The following CUX1 variants were observed in gnomAD, a reference collection of about 807,000 sequenced individuals.
CUX1 encodes cut like homeobox 1.
A neutral mutation model predicts 158.8 loss-of-function variants in CUX1; 31 were observed. The observed-to-expected ratio is 0.20, with a 90% CI of 0.15 to 0.26. The LOEUF (loss-of-function observed/expected upper bound fraction) is 0.26. Ranked by LOEUF, CUX1 falls within the 10% of genes least tolerant of loss-of-function variation. CUX1 has a pLI of 1.00. For missense variants in CUX1, 1,589 were observed against 2,014.6 expected, an observed-to-expected ratio of 0.79 and a Z score of 4.04; for synonymous variants, 879 against 862.1, an observed-to-expected ratio of 1.02 and a Z score of -0.34.
At chr7:102,236,885 A>G (rs1799627335) in intron 22 of CUX1, among the ~76,000 whole-genome samples, 1 of 152,150 alleles carries the variant, frequency 6.6e-6, no homozygotes, top group Non-Finnish European at 1.5e-5. Flanking sequence ...TTGTGTTACA[A>G]ATGAATTACT....
chr7:102,099,621 T>A (rs1327336528), intron 5 of CUX1, among the ~76,000 whole-genome samples: 1 of 152,018 alleles, frequency 6.6e-6, no homozygotes, highest in African/African-American at 2.4e-5. Flanking sequence ...TGCAGTTGCA[T>A]GATCATAGCT....
chr7:101,997,956 CAG>C (rs1734427911), intron 2 of CUX1, among the ~76,000 whole-genome samples: 1 of 152,332 alleles, frequency 6.6e-6, no homozygotes, highest in African/African-American at 2.4e-5. Context: ...TCCTGAGTCT[CAG>C]GGGTTCCTGT....
At chr7:101,935,462 G>T (rs141607964) in intron 2 of CUX1, among the ~76,000 whole-genome samples, 2 of 152,296 alleles carry the variant, frequency 1.3e-5, no homozygotes, top group East Asian at 3.9e-4. Context: ...GAATGGACAA[G>T]GCCTGGCTCC....
At chr7:102,204,625 C>G (rs985342594) in intron 19 of CUX1, 69 bp downstream of exon 19, 1 of 1,570,196 alleles carries the variant, frequency 6.4e-7, no homozygotes, top group Non-Finnish European at 8.7e-7. Flanking sequence ...AGCAGCCCCA[C>G]CTGGGCTATG....
chr7:102,130,682 TA>T (rs1196602798), intron 8 of CUX1, among the ~76,000 whole-genome samples: 1 of 151,652 alleles, frequency 6.6e-6, no homozygotes, highest in Non-Finnish European at 1.5e-5. Flanking sequence ...CTCCATCTTA[TA>T]AAAAAAATTA....
chr7:102,007,384 C>T (rs1460975820), intron 2 of CUX1, among the ~76,000 whole-genome samples: 2 of 152,060 alleles, frequency 1.3e-5, no homozygotes, highest in African/African-American at 4.8e-5. Context: ...GTTCTCTTCC[C>T]CTCTCCTGTT....
At chr7:101,871,475 G>C (rs1798525211) in intron 1 of CUX1, among the ~76,000 whole-genome samples, 1 of 152,130 alleles carries the variant, frequency 6.6e-6, no homozygotes, top group African/African-American at 2.4e-5. Context: ...GGAGGTGCCT[G>C]CAGCACAGCG....
At chr7:101,984,111 T>TATATATATATATACAC (rs1813910321) in intron 2 of CUX1, among the ~76,000 whole-genome samples, 1 of 44,984 alleles carries the variant, frequency 2.2e-5, no homozygotes, top group African/African-American at 8.3e-5. Context: ...TATATATATA[T>TATATATATATATACAC]ATATATATAT....
chr7:102,053,388 C>A (rs756404475), intron 3 of CUX1, among the ~76,000 whole-genome samples: 1 of 152,104 alleles, frequency 6.6e-6, no homozygotes, highest in Non-Finnish European at 1.5e-5. Context: ...GTGTAATAAT[C>A]TCATATGGAA....
chr7:102,068,989 C>T (rs1250458796), intron 3 of CUX1, among the ~76,000 whole-genome samples: 3 of 152,182 alleles, frequency 2.0e-5, no homozygotes, highest in Non-Finnish European at 2.9e-5. Context: ...ATCCTGGCCA[C>T]CATCGCAAAA....
chr7:102,005,334 G>A (rs1359551872), intron 2 of CUX1, among the ~76,000 whole-genome samples: 1 of 152,084 alleles, frequency 6.6e-6, no homozygotes, highest in Non-Finnish European at 1.5e-5. Flanking sequence ...TTTTTGTTTT[G>A]TTTTGTTTTG....
intron 2 of CUX1, among the ~76,000 whole-genome samples, chr7:101,946,107 C>A (rs2129146588): frequency 6.6e-6 from 1 of 152,236 alleles, no homozygotes; most frequent in East Asian, 1.9e-4. Context: ...TGATGGCATT[C>A]TCTAGTGTGA....
chr7:101,873,687 G>A (rs751497742), intron 1 of CUX1, among the ~76,000 whole-genome samples: 7 of 152,110 alleles, frequency 4.6e-5, no homozygotes, highest in Non-Finnish European at 8.8e-5. Context: ...GAGTTCAAGC[G>A]ATTCTCCTGC....
At chr7:101,821,580 C>T (rs866782873) in intron 1 of CUX1, among the ~76,000 whole-genome samples, 3 of 151,196 alleles carry the variant, frequency 2.0e-5, no homozygotes, top group Non-Finnish European at 4.4e-5. Context: ...CTTAGTGATC[C>T]GCCCGCCTTG....
At chr7:102,226,576 G>C (rs964529405) in intron 20 of CUX1, among the ~76,000 whole-genome samples, 11 of 152,302 alleles carry the variant, frequency 7.2e-5, no homozygotes, top group Non-Finnish European at 1.0e-4. Flanking sequence ...TAGGTCCTGA[G>C]ACCCAGTGCT....
intron 2 of CUX1, among the ~76,000 whole-genome samples, chr7:101,934,762 G>A (rs1374901134): frequency 2.6e-5 from 4 of 152,170 alleles, no homozygotes; most frequent in Admixed American, 6.5e-5. Context: ...GCCATGCCAA[G>A]GCTGGGAGAA....
At chr7:102,109,118 G>A (rs1830648733) in intron 6 of CUX1, among the ~76,000 whole-genome samples, 1 of 152,016 alleles carries the variant, frequency 6.6e-6, no homozygotes, top group South Asian at 2.1e-4. Context: ...GAAGAAAACT[G>A]GGGTGCATAT....
intron 2 of CUX1, among the ~76,000 whole-genome samples, chr7:101,968,751 C>G (rs1157874379): frequency 1.3e-5 from 2 of 152,224 alleles, no homozygotes; most frequent in African/African-American, 4.8e-5. Context: ...TCAGCCTTCT[C>G]CAGGATATCC....
At chr7:101,891,219 T>G in intron 1 of CUX1, among the ~76,000 whole-genome samples, 1 of 152,074 alleles carries the variant, frequency 6.6e-6, no homozygotes, top group East Asian at 1.9e-4. Context: ...TTTGTTTTGT[T>G]GTTGTTTTGT....
Sources: gnomAD v4.1 joint callset for allele counts (sites outside exome capture counted in the v4.1 genomes callset) on GRCh38, gnomAD v4.1.1 for gene constraint, MANE v1.5 for transcripts, NCBI Gene and HGNC (gene_info 2026-07-23, HGNC 2026-07-21) for gene names.